The following TNIP3 variants were observed in gnomAD, a reference collection of about 807,000 sequenced individuals.
TNIP3 encodes the protein TNFAIP3 interacting protein 3, also known as TNFAIP3-interacting protein 3.
A neutral mutation model predicts 54.1 loss-of-function variants in TNIP3; 34 were observed. The observed-to-expected ratio is 0.63, with a 90% CI of 0.48 to 0.84. The LOEUF is 0.84. Ranked by LOEUF, TNIP3 falls within the 40% of genes least tolerant of loss-of-function variation. The pLI is 0.00. For missense variants in TNIP3, 366 were observed against 387.6 expected (o/e 0.94, Z 0.47); for synonymous variants, 134 against 136.8 (o/e 0.98, Z 0.14).
intron 1 of TNIP3, among the ~76,000 whole-genome samples, chr4:121,225,477 C>CT (rs1381956187): frequency 6.6e-6 from 1 of 152,142 alleles, no homozygotes; most frequent in African/African-American, 2.4e-5. Flanking sequence ...AAAGTGATTT[C>CT]TTTTTGTTCT....
intron 2 of TNIP3, among the ~76,000 whole-genome samples, chr4:121,210,437 C>T (rs1014410880): frequency 6.6e-6 from 1 of 152,184 alleles, no homozygotes; most frequent in Admixed American, 6.5e-5. Context: ...TTAAGCCAAA[C>T]TCCTTCACAC....
At chr4:121,199,992 A>G (rs1725795337) in intron 2 of TNIP3, among the ~76,000 whole-genome samples, 1 of 152,170 alleles carries the variant, frequency 6.6e-6, no homozygotes, top group Non-Finnish European at 1.5e-5. Context: ...AAGGCACTAC[A>G]CAAGCTAGCA....
At chr4:121,168,445 C>A (rs143365273), upstream of TNIP3, among the ~76,000 whole-genome samples, 1 of 151,908 alleles carries the variant, frequency 6.6e-6, no homozygotes, top group Non-Finnish European at 1.5e-5. Flanking sequence ...GTGATCCACC[C>A]GCCTCGGCCT....
intron 2 of TNIP3, among the ~76,000 whole-genome samples, chr4:121,212,355 T>C (rs963755478): frequency 6.6e-6 from 1 of 152,176 alleles, no homozygotes; most frequent in African/African-American, 2.4e-5. Context: ...ATCCATCCAA[T>C]AAAACTTAAT....
chr4:121,169,362 A>T (rs2198317), intron 3 of TNIP3, among the ~76,000 whole-genome samples: 4,694 of 152,216 alleles, frequency 0.031, 104 homozygotes, highest in Admixed American at 0.038. Context: ...TGTAAGTGAC[A>T]TCTGTTTATT....
At chr4:121,199,378 G>A (rs187311136) in intron 2 of TNIP3, among the ~76,000 whole-genome samples, 23 of 152,202 alleles carry the variant, frequency 1.5e-4, no homozygotes, top group South Asian at 6.2e-4. Flanking sequence ...AAAAGAAGTC[G>A]GACATGAGGT....
At chr4:121,140,481 GAGCTAT>G (rs1385542020) in intron 9 of TNIP3, among the ~76,000 whole-genome samples, 1 of 152,096 alleles carries the variant, frequency 6.6e-6, no homozygotes, top group Admixed American at 6.6e-5. Context: ...ACTGTTTGAT[GAGCTAT>G]AGTAGGTGAA....
upstream of TNIP3, among the ~76,000 whole-genome samples, chr4:121,165,356 G>C (rs550219832): frequency 8.2e-4 from 124 of 151,988 alleles, no homozygotes; most frequent in Middle Eastern, 6.8e-3. Context: ...CTCTGTGCAT[G>C]CTGTTCTTGC....
At chr4:121,196,925 A>C (rs544587415) in intron 2 of TNIP3, among the ~76,000 whole-genome samples, 10 of 152,182 alleles carry the variant, frequency 6.6e-5, no homozygotes, top group East Asian at 5.8e-4. Flanking sequence ...TCATTAAAAA[A>C]ATGTAAGAAA....
At chr4:121,174,971 G>A (rs751327106) in intron 3 of TNIP3, among the ~76,000 whole-genome samples, 1 of 152,184 alleles carries the variant, frequency 6.6e-6, no homozygotes, top group Non-Finnish European at 1.5e-5. Flanking sequence ...TGATGCATTA[G>A]ATTCCAAAAC....
At chr4:121,171,887 C>T (rs144241693) in intron 3 of TNIP3, among the ~76,000 whole-genome samples, 15 of 152,100 alleles carry the variant, frequency 9.9e-5, no homozygotes, top group Admixed American at 2.6e-4. Context: ...TGAACCACCA[C>T]GCCTGGCTAA....
chr4:121,137,961 C>G (rs1346855552), intron 10 of TNIP3: 1 of 456,020 alleles, frequency 2.2e-6, no homozygotes, highest in Admixed American at 2.4e-5. Flanking sequence ...ATACAGCCCG[C>G]TTCTGGGTGG....
upstream of TNIP3, among the ~76,000 whole-genome samples, chr4:121,165,937 G>T (rs780241778): frequency 3.3e-5 from 5 of 152,230 alleles, no homozygotes; most frequent in South Asian, 8.3e-4. Context: ...TCTATTGTAA[G>T]AATATTTTTC....
At chr4:121,220,073 G>A (rs543506858), upstream of TNIP3, among the ~76,000 whole-genome samples, 1 of 152,184 alleles carries the variant, frequency 6.6e-6, no homozygotes, top group East Asian at 1.9e-4. Flanking sequence ...GTAATAGGCT[G>A]AAAACCATAC....
At chr4:121,179,918 T>G (rs1397420549) in intron 3 of TNIP3, among the ~76,000 whole-genome samples, 2 of 152,128 alleles carry the variant, frequency 1.3e-5, no homozygotes, top group African/African-American at 4.8e-5. Flanking sequence ...AAGCACTCCA[T>G]GTTTAGTAAG....
intron 2 of TNIP3, among the ~76,000 whole-genome samples, chr4:121,198,628 C>CTA (rs1725725583): frequency 2.0e-5 from 3 of 152,138 alleles, no homozygotes; most frequent in Admixed American, 2.0e-4. Context: ...ATTATTTTGC[C>CTA]TCTAAACAAA....
intron 3 of TNIP3, among the ~76,000 whole-genome samples, chr4:121,181,476 G>C (rs1443445682): frequency 6.6e-6 from 1 of 152,148 alleles, no homozygotes; most frequent in African/African-American, 2.4e-5. Flanking sequence ...CAAAAATAAA[G>C]ACAACCTGTT....
At chr4:121,153,965 T>G (rs920197003) in intron 5 of TNIP3, among the ~76,000 whole-genome samples, 1 of 151,962 alleles carries the variant, frequency 6.6e-6, no homozygotes, top group African/African-American at 2.4e-5. Flanking sequence ...TAGCGACCCA[T>G]TCCTCCAAAA....
At chr4:121,207,472 C>T (rs1029252482) in intron 2 of TNIP3, among the ~76,000 whole-genome samples, 7 of 152,078 alleles carry the variant, frequency 4.6e-5, no homozygotes, top group Admixed American at 1.3e-4. Context: ...ATTAATTGTA[C>T]GCAGATATCT....
Sources: gnomAD v4.1 joint callset for allele counts (sites outside exome capture counted in the v4.1 genomes callset) on GRCh38, gnomAD v4.1.1 for gene constraint, MANE v1.5 for transcripts, NCBI Gene and HGNC (gene_info 2026-07-23, HGNC 2026-07-21) for gene names.